AOAH: variants seen among roughly 807,000 people sequenced by gnomAD.
AOAH encodes the protein acyloxyacyl hydrolase, also known as acyloxyacyl hydrolase (neutrophil).
AOAH carries 64 observed loss-of-function variants against 92.2 expected under a neutral mutation model. The observed-to-expected ratio is 0.69, with a 90% CI of 0.57 to 0.86. The LOEUF (loss-of-function observed/expected upper bound fraction) is 0.86, where lower values mean the gene tolerates loss of function less well. Among genes scored for constraint, AOAH ranks in the 40% least tolerant of loss-of-function variants. AOAH has a pLI of 0.00. For missense variants in AOAH, 656 were observed against 694.6 expected (o/e 0.94, Z 0.62); for synonymous variants, 263 against 254.5 (o/e 1.03, Z -0.32).
intron 4 of AOAH, among the ~76,000 whole-genome samples, chr7:36,639,947 G>A (rs2116334862): frequency 6.6e-6 from 1 of 152,300 alleles, no homozygotes; most frequent in East Asian, 1.9e-4. Context: ...TCGGTTCTCT[G>A]GGGCTCAATG....
chr7:36,586,126 C>G (rs930019321), intron 12 of AOAH, among the ~76,000 whole-genome samples: 3 of 152,016 alleles, frequency 2.0e-5, no homozygotes, highest in Non-Finnish European at 4.4e-5. Context: ...TTCCTTCATT[C>G]CCTTTCTCTG....
intron 2 of AOAH, among the ~76,000 whole-genome samples, chr7:36,682,365 C>T (rs955179999): frequency 5.3e-5 from 8 of 152,076 alleles, no homozygotes; most frequent in South Asian, 2.1e-4. Context: ...AAAACTACCC[C>T]GAACCGCCTC....
chr7:36,565,660 G>A (rs961605156), intron 13 of AOAH, among the ~76,000 whole-genome samples: 3 of 151,630 alleles, frequency 2.0e-5, no homozygotes, highest in African/African-American at 7.3e-5. Flanking sequence ...AGCCTCCTGA[G>A]TAGCTGGGAC....
In AOAH at chr7:36,513,288, C is replaced by G. The variant is rs1790149559; in HGVS notation, c.1692G>C (p.Gln564His). Residue 564 changes from glutamine to histidine, a missense_variant, in exon 21 of 21, where the codon CAG (glutamine) becomes CAC (histidine). Gln to His is a conservative substitution (Grantham distance 24). Transcript: ENST00000617537. ...ILGKENPFNPQIKQVFGDQGG... is the reference protein window; with the variant it reads ...ILGKENPFNPHIKQVFGDQGG... ...CTTGGTCTCCAAACACCTGTTTAAT[C>G]TGGGGGTTGAACGGATTCTCCTTTC... 2 of 1,614,072 alleles carry G rather than the reference C, an allele frequency of 1.2e-6. No homozygotes were observed. The highest frequency in any genetic ancestry group is 1.7e-5 in the Admixed American group (1 of 60,000).
rs529261307 is a variant in AOAH at position 36,678,550 on chromosome 7, A to AGTGTGTGTGTGTGTGTGTGT, written c.224-4561_224-4542dup. Among the ~76,000 whole-genome samples, 61 of 118,914 alleles carry AGTGTGTGTGTGTGTGTGTGT rather than the reference A, an allele frequency of 5.1e-4. 1 individual carries two copies. The highest frequency in any genetic ancestry group is 2.0e-3 in the East Asian group (8 of 4,078). The allele number at this position is 118,914 out of a possible 152,430, so 78.0% of individuals were successfully genotyped here. On this transcript the variant is annotated intron_variant, in intron 2 of 20. Transcript: ENST00000617537. ...TCATCTTCTTTCTGGTAAGATAAGC[A>AGTGTGTGTGTGTGTGTGTGT]GTGTGTGTGTGTGTGTGTGTGTGTG...
intron 3 of AOAH, among the ~76,000 whole-genome samples, chr7:36,668,406 G>T (rs961273530): frequency 6.6e-6 from 1 of 152,152 alleles, no homozygotes; most frequent in East Asian, 1.9e-4. Flanking sequence ...TTTTGCCCTG[G>T]AAAGTTGTGA....
At chr7:36,663,049 G>C (rs1795311102) in intron 3 of AOAH, among the ~76,000 whole-genome samples, 1 of 152,034 alleles carries the variant, frequency 6.6e-6, no homozygotes, top group South Asian at 2.1e-4. Context: ...CGCCTCATTT[G>C]CTGAATCTTT....
At chr7:36,719,933 C>T (rs960099718) in intron 1 of AOAH, among the ~76,000 whole-genome samples, 1 of 128,556 alleles carries the variant, frequency 7.8e-6, no homozygotes, top group African/African-American at 2.6e-5. Context: ...AGGACTTTGT[C>T]TTTATTAAAA....
intron 13 of AOAH, among the ~76,000 whole-genome samples, chr7:36,554,050 T>A (rs1490806983): frequency 6.6e-6 from 1 of 152,234 alleles, no homozygotes; most frequent in African/African-American, 2.4e-5. Flanking sequence ...AGACATGAAG[T>A]CCTTGCCCAT....
chr7:36,537,429 G>C (rs1227351296), intron 16 of AOAH, among the ~76,000 whole-genome samples: 3 of 151,860 alleles, frequency 2.0e-5, no homozygotes, highest in African/African-American at 7.3e-5. Context: ...CTTGATTTTG[G>C]GGTGCCGTCT....
At chr7:36,521,384 C>A (rs886641328) in intron 20 of AOAH, among the ~76,000 whole-genome samples, 2 of 152,222 alleles carry the variant, frequency 1.3e-5, no homozygotes, top group African/African-American at 2.4e-5. Context: ...CCAGGACATA[C>A]AACAGATAAA....
At chr7:36,635,515 C>G (rs917067349) in intron 5 of AOAH, among the ~76,000 whole-genome samples, 2 of 152,054 alleles carry the variant, frequency 1.3e-5, no homozygotes, top group African/African-American at 4.8e-5. Flanking sequence ...TTTAATTGGT[C>G]TAGGGTGGGG....
chr7:36,581,970 A>C (rs1788960265), intron 12 of AOAH, among the ~76,000 whole-genome samples: 1 of 152,212 alleles, frequency 6.6e-6, no homozygotes, highest in Non-Finnish European at 1.5e-5. Context: ...CTGAGTATAT[A>C]GTGGGATCAA....
At position 36,540,331 on chromosome 7, in the gene AOAH, A is replaced by T. The variant is rs1205807920; in HGVS notation, c.1294T>A (p.Tyr432Asn). ...TFLWDNLHNRYHPLGQLNKDM... is the reference protein window; with the variant it reads ...TFLWDNLHNRNHPLGQLNKDM... The stretch of plus-strand genomic sequence containing the variant: ...TTCAAACTGATACCGAGAGGATGAT[A>T]TCTGTTGTGCAAATTATCCCAGAGA... The change falls in exon 16 of 21, where the codon TAT (tyrosine) becomes AAT (asparagine). Residue 432 changes from tyrosine (Y) to asparagine (N), a missense_variant. Transcript: ENST00000617537. 1.2e-6 allele frequency: 2 copies of T among 1,612,862 alleles called. No homozygotes were observed. The highest frequency in any genetic ancestry group is 1.7e-6 in the Non-Finnish European group (2 of 1,179,378).
chr7:36,661,336 T>G (rs1795202374), intron 3 of AOAH: 1 of 152,216 alleles, frequency 6.6e-6, no homozygotes, highest in Non-Finnish European at 1.5e-5. Flanking sequence ...AGTGCTGTCG[T>G]AATTTCCTGC....
chr7:36,607,230 A>G (rs532756097), intron 11 of AOAH, among the ~76,000 whole-genome samples: 2 of 152,338 alleles, frequency 1.3e-5, no homozygotes, highest in Admixed American at 1.3e-4. Flanking sequence ...ACAAAGGCAA[A>G]GAAGTATCAA....
rs78699099 is a variant in AOAH at position 36,592,519 on chromosome 7, T to C, written c.938+1820A>G. ...GCTATGCTCTCACACAGAGGGACAATGGTTAGAGTGAGCCATATTCCCACA... is the reference window on the plus strand; with the variant it reads ...GCTATGCTCTCACACAGAGGGACAACGGTTAGAGTGAGCCATATTCCCACA... On this transcript the variant is annotated intron_variant, in intron 12 of 20. Transcript: ENST00000617537. 7.3e-3 allele frequency among the ~76,000 whole-genome samples: 1,113 copies of C among 152,298 alleles called. 16 individuals carry two copies. Among genetic ancestry groups the C allele is most frequent in the African/African-American group, 0.026 (1,063 of 41,566 alleles).
chr7:36,603,888 G>T (rs939212635), intron 11 of AOAH, among the ~76,000 whole-genome samples: 1 of 152,138 alleles, frequency 6.6e-6, no homozygotes, highest in African/African-American at 2.4e-5. Context: ...TCCATTTCCT[G>T]CTATAGTCCA....
chr7:36,535,733 T>C (rs76548708), intron 16 of AOAH, among the ~76,000 whole-genome samples: 9,631 of 127,604 alleles, frequency 0.075, 888 homozygotes, highest in African/African-American at 0.24. Context: ...TAGCGGAGTT[T>C]TTTCCCTCTC....
Sources: gnomAD v4.1 joint callset for allele counts (sites outside exome capture counted in the v4.1 genomes callset) on GRCh38, gnomAD v4.1.1 for gene constraint, MANE v1.5 for transcripts, NCBI Gene and HGNC (gene_info 2026-07-23, HGNC 2026-07-21) for gene names.